The following FAM234A variants were observed in gnomAD, a reference collection of about 807,000 sequenced individuals.
The protein encoded by FAM234A is family with sequence similarity 234 member A, also known as protein FAM234A.
FAM234A carries 42 observed loss-of-function variants against 49.1 expected under a neutral mutation model. The ratio of observed to expected loss-of-function variants is 0.86; its 90% CI spans 0.67 to 1.11. The LOEUF is 1.11. Among genes scored for constraint, FAM234A ranks in the 50% least tolerant of loss-of-function variants. The probability of loss-of-function intolerance (pLI) is 0.00; values close to 1 mark genes in which losing one functional copy is unlikely to be tolerated. For missense variants in FAM234A, 815 were observed against 745.2 expected, an observed-to-expected ratio of 1.09 and a Z score of -1.09; for synonymous variants, 369 against 316.2, an observed-to-expected ratio of 1.17 and a Z score of -1.77.
At chr16:253,223 G>C (rs2051092250) in intron 2 of FAM234A, among the ~76,000 whole-genome samples, 1 of 152,110 alleles carries the variant, frequency 6.6e-6, no homozygotes, top group African/African-American at 2.4e-5. Context: ...CCCCCGGTCC[G>C]GCCAGCAGGA....
At chr16:267,085 A>C (rs193053466), downstream of FAM234A, among the ~76,000 whole-genome samples, 36 of 152,242 alleles carry the variant, frequency 2.4e-4, no homozygotes, top group Non-Finnish European at 4.7e-4. Context: ...CTGCACCCCC[A>C]GACTGTGAAG....
intron 3 of FAM234A, among the ~76,000 whole-genome samples, chr16:255,672 T>G (rs2051202923): frequency 6.6e-6 from 1 of 152,198 alleles, no homozygotes; most frequent in Admixed American, 6.5e-5. Flanking sequence ...ATTAGTCTTT[T>G]TATTTTTTTA....
At chr16:245,603 T>C (rs757215573) in intron 1 of FAM234A, among the ~76,000 whole-genome samples, 23 of 152,246 alleles carry the variant, frequency 1.5e-4, no homozygotes, top group Non-Finnish European at 3.1e-4. Context: ...CTGGGCCACG[T>C]TGGAAGAATT....
chr16:260,023 C>A lies in FAM234A; in HGVS notation c.440C>A (p.Thr147Lys), dbSNP rs770280178. Reference sequence around the variant, plus strand: ...GCTGTGTCGGGGGCCAACGGCAGCACGCTCTGGGAGAGACCTGTGGCCCAA... The same window carrying A: ...GCTGTGTCGGGGGCCAACGGCAGCAAGCTCTGGGAGAGACCTGTGGCCCAA... ...AAAVSGANGSTLWERPVAQDV... is the reference protein window; with the variant it reads ...AAAVSGANGSKLWERPVAQDV... The change falls in exon 5 of 13, where the codon ACG (threonine) becomes AAG (lysine). Residue 147 changes from threonine (T) to lysine (K), a missense_variant. By Grantham distance (78) the Thr-to-Lys change is moderately conservative. Transcript: ENST00000399932. The A allele has an allele frequency of 6.2e-7, 1 of 1,613,428 alleles. No individual in the cohort carries two copies. The highest frequency in any genetic ancestry group is 8.5e-7 in the Non-Finnish European group (1 of 1,179,934).
intron 2 of FAM234A, among the ~76,000 whole-genome samples, chr16:250,034 C>T (rs1596785548): frequency 1.3e-5 from 2 of 152,330 alleles, no homozygotes; most frequent in East Asian, 3.9e-4. Context: ...CAAGCTCCAC[C>T]TCCCGGGTTC....
In FAM234A at chr16:265,089, C is replaced by T; in HGVS notation, c.*67C>T. 1.3e-6 allele frequency: 2 copies of T among 1,526,578 alleles called. No homozygotes were observed. Among genetic ancestry groups the T allele is most frequent in the South Asian group, 2.5e-5 (2 of 79,392 alleles). 94.6% of individuals were successfully genotyped at this position (1,526,578 alleles called of 1,614,324 possible). On this transcript the variant is annotated 3_prime_UTR_variant, in exon 13 of 13. Coordinates refer to ENST00000399932, the MANE Select transcript of FAM234A (RefSeq NM_032039.4). The stretch of plus-strand genomic sequence containing the variant: ...ACACTAAACGTCCTGGGAAGTGGGC[C>T]CTTCCCTGGGTCTCTGCACTGACTC...
In FAM234A at chr16:260,057, C is replaced by G. The variant is rs2051396950; in HGVS notation, c.474C>G (p.Ala158=). 1.2e-6 allele frequency: 2 copies of G among 1,613,636 alleles called. No homozygotes were observed. The highest frequency in any genetic ancestry group is 1.1e-5 in the South Asian group (1 of 91,076). The change falls in exon 5 of 13, where the codon GCC becomes GCG. Residue 158 remains alanine (A), a synonymous_variant. Transcript: ENST00000399932. Reference sequence around the variant, plus strand: ...AGAGACCTGTGGCCCAAGACGTGGCCCTCGTGGAGTGTGCTGTGCCCCAGC... The same window carrying G: ...AGAGACCTGTGGCCCAAGACGTGGCGCTCGTGGAGTGTGCTGTGCCCCAGC... The part of the protein sequence containing the change: ...LWERPVAQDV[A]LVECAVPQPR...
chr16:264,982 G>A lies in FAM234A; in HGVS notation c.1619G>A (p.Arg540Lys). 6.2e-7 allele frequency: 1 copy of A among 1,611,712 alleles called. No homozygotes were observed. Among genetic ancestry groups the A allele is most frequent in the Non-Finnish European group, 8.5e-7 (1 of 1,179,010 alleles). Residue 540 changes from arginine to lysine, a missense_variant, in exon 13 of 13, where the codon AGG becomes AAG. Physicochemically the swap from Arg to Lys is conservative, Grantham distance 26. Coordinates refer to ENST00000399932, the MANE Select transcript of FAM234A (RefSeq NM_032039.4). ...GGGCCAGACAGTGACCAAGCCATCA[G>A]GGACCGGTTCTCCCGGCTGCGGTAC... ...EGGPDSDQAI[R>K]DRFSRLRYQS...
intron 3 of FAM234A, among the ~76,000 whole-genome samples, chr16:257,644 G>A (rs999542348): frequency 2.0e-5 from 3 of 151,498 alleles, no homozygotes; most frequent in African/African-American, 4.9e-5. Context: ...TAGCTCTTAC[G>A]TTTAGGTCTT....
At chr16:262,977 G>A (rs1409013700) in intron 8 of FAM234A, among the ~76,000 whole-genome samples, 1 of 151,826 alleles carries the variant, frequency 6.6e-6, no homozygotes, top group Non-Finnish European at 1.5e-5. Flanking sequence ...GCACCTCCAC[G>A]CCCAGCTAAT....
At chr16:253,070 T>C (rs1332988673) in intron 2 of FAM234A, among the ~76,000 whole-genome samples, 1 of 152,246 alleles carries the variant, frequency 6.6e-6, no homozygotes, top group Non-Finnish European at 1.5e-5. Context: ...AGTTTGTTTT[T>C]TTCTCGTTTT....
chr16:239,613 T>TTA (rs2050541255), intron 1 of FAM234A, among the ~76,000 whole-genome samples: 1 of 88,258 alleles, frequency 1.1e-5, no homozygotes, highest in Non-Finnish European at 2.1e-5. Context: ...AGGCCCCGTC[T>TTA]CAAAAAAAAA....
At chr16:242,419 G>T (rs1477674402) in intron 1 of FAM234A, among the ~76,000 whole-genome samples, 2 of 151,984 alleles carry the variant, frequency 1.3e-5, no homozygotes, top group Non-Finnish European at 2.9e-5. Context: ...TCACCATGTT[G>T]GCCAGCCTGG....
At chr16:256,737 C>G (rs1346405733) in intron 3 of FAM234A, among the ~76,000 whole-genome samples, 2 of 138,724 alleles carry the variant, frequency 1.4e-5, no homozygotes, top group Non-Finnish European at 3.1e-5. Context: ...CCATGCCTGG[C>G]TAATTTTTTT....
intron 5 of FAM234A, 118 bp from the exon 6 acceptor site, chr16:261,266 C>T (rs1223531306): frequency 7.4e-6 from 9 of 1,210,184 alleles, no homozygotes; most frequent in African/African-American, 1.5e-5. Context: ...TGCAGTGAGC[C>T]GTGGGCTCAC....
chr16:265,897 T>G lies in FAM234A; in HGVS notation c.*875T>G, dbSNP rs1401686781. ...CAAGCGCCTGCCTCTCCCCTTCCGG[T>G]GCTCACACGCCCACGCCGTGCCACC... On this transcript the variant is annotated 3_prime_UTR_variant, in exon 13 of 13. Transcript: ENST00000399932. 8 of 986,348 alleles carry G rather than the reference T, an allele frequency of 8.1e-6. No individual in the cohort carries two copies. Among genetic ancestry groups the G allele is most frequent in the Non-Finnish European group, 9.6e-6 (8 of 830,566 alleles). The allele number at this position is 986,348 out of a possible 1,614,324, so 61.1% of individuals were successfully genotyped here.
intron 5 of FAM234A, 49 bp from the exon 6 acceptor site, chr16:261,335 G>A (rs1428165692): frequency 6.9e-6 from 11 of 1,586,592 alleles, no homozygotes; most frequent in South Asian, 1.1e-5. Flanking sequence ...CCGGGCTGCT[G>A]TTGAAGGGGA....
chr16:261,556 C>T, intron 6 of FAM234A, 42 bp downstream of exon 6: 1 of 1,538,654 alleles, frequency 6.5e-7, no homozygotes, highest in Non-Finnish European at 8.7e-7. Flanking sequence ...ACGAGGCCAC[C>T]TGCCACACGG....
chr16:247,352 G>T (rs2050848549), intron 1 of FAM234A, among the ~76,000 whole-genome samples: 1 of 151,202 alleles, frequency 6.6e-6, no homozygotes, highest in African/African-American at 2.4e-5. Flanking sequence ...GGCTGGTCTT[G>T]AACTGAACTC....
Sources: gnomAD v4.1 joint callset for allele counts (sites outside exome capture counted in the v4.1 genomes callset) on GRCh38, gnomAD v4.1.1 for gene constraint, MANE v1.5 for transcripts, NCBI Gene and HGNC (gene_info 2026-07-23, HGNC 2026-07-21) for gene names.